Variants in FRMD4A observed in about 807,000 individuals in gnomAD.
The protein encoded by FRMD4A is FERM domain containing 4A.
In FRMD4A, 29 loss-of-function variants were observed where a neutral mutation model predicts 129.1. That is an observed-to-expected ratio of 0.22 (90% CI 0.17 to 0.31). The LOEUF (loss-of-function observed/expected upper bound fraction) is 0.31, where lower values mean the gene tolerates loss of function less well. Among genes scored for constraint, FRMD4A ranks in the 10% least tolerant of loss-of-function variants. FRMD4A has a pLI of 1.00. For missense variants in FRMD4A, 1,272 were observed against 1,375.8 expected (o/e 0.92, Z 1.19); for synonymous variants, 634 against 571.6 (o/e 1.11, Z -1.56).
At chr10:13,987,045 T>C (rs991183038) in intron 2 of FRMD4A, among the ~76,000 whole-genome samples, 1 of 152,178 alleles carries the variant, frequency 6.6e-6, no homozygotes, top group Non-Finnish European at 1.5e-5. Flanking sequence ...TTGAGAGCCA[T>C]AGATCTAGGC....
intron 22 of FRMD4A, chr10:13,655,637 C>T (rs1377458618): frequency 1.3e-5 from 2 of 152,212 alleles, no homozygotes; most frequent in Non-Finnish European, 2.9e-5. Flanking sequence ...CTGCTGTCTC[C>T]AGGCACCAAG....
chr10:14,114,172 G>A (rs2131800304), intron 2 of FRMD4A, among the ~76,000 whole-genome samples: 1 of 152,332 alleles, frequency 6.6e-6, no homozygotes, highest in African/African-American at 2.4e-5. Context: ...GATGGCTTGG[G>A]CTAGTTTCCT....
chr10:14,308,041 T>C (rs188729221), intron 2 of FRMD4A, among the ~76,000 whole-genome samples: 18 of 152,342 alleles, frequency 1.2e-4, no homozygotes, highest in African/African-American at 4.1e-4. Flanking sequence ...CCCTGCTGAA[T>C]TGACAACTAC....
chr10:13,789,057 A>G (rs997338489), intron 5 of FRMD4A, among the ~76,000 whole-genome samples: 3 of 152,210 alleles, frequency 2.0e-5, no homozygotes, highest in Admixed American at 1.3e-4. Context: ...CAAATGTCAC[A>G]TTTAAAATGC....
chr10:13,698,047 C>A (rs7921847), intron 14 of FRMD4A, among the ~76,000 whole-genome samples: 12 of 151,770 alleles, frequency 7.9e-5, no homozygotes, highest in Admixed American at 5.2e-4. Context: ...TGTCTTAGAT[C>A]GTAGAATGGT....
chr10:14,125,290 C>A (rs1455791583), intron 2 of FRMD4A, among the ~76,000 whole-genome samples: 1 of 152,118 alleles, frequency 6.6e-6, no homozygotes, highest in Non-Finnish European at 1.5e-5. Context: ...TTCTCCACTG[C>A]CTTTGAAATA....
chr10:14,012,486 G>C (rs1464759849), intron 2 of FRMD4A, among the ~76,000 whole-genome samples: 1 of 152,170 alleles, frequency 6.6e-6, no homozygotes, highest in Non-Finnish European at 1.5e-5. Context: ...CGAACAGCAG[G>C]GTGTGAAAGG....
At chr10:13,772,928 C>T (rs2092498715) in intron 6 of FRMD4A, among the ~76,000 whole-genome samples, 1 of 152,160 alleles carries the variant, frequency 6.6e-6, no homozygotes, top group Admixed American at 6.5e-5. Context: ...TTGAATTGTA[C>T]ATTTTAATGT....
rs1337593329 is a variant in FRMD4A at position 14,009,413 on chromosome 10, T to A, written c.46-150501A>T. Reference sequence around the variant, plus strand: ...GGCCATTTCCTTTGTAATCATCCCGTGGTTTTTGGTATTAGCCTTGATACC... The same window carrying A: ...GGCCATTTCCTTTGTAATCATCCCGAGGTTTTTGGTATTAGCCTTGATACC... On this transcript the variant is annotated intron_variant, in intron 2 of 24. Coordinates refer to ENST00000357447, the MANE Select transcript of FRMD4A (RefSeq NM_018027.5). 2.6e-5 allele frequency among the ~76,000 whole-genome samples: 4 copies of A among 152,274 alleles called. No homozygotes were observed. The East Asian group carries it at 7.7e-4, about 29-fold the overall frequency.
rs139252993 is a variant in FRMD4A at position 13,645,765 on chromosome 10, C to A, written c.*1273G>T. The stretch of plus-strand genomic sequence containing the variant: ...GGAATAAGTGACACATAGGAGAAGT[C>A]GGATCTGAGCTCTTTTGTCACACAA... On this transcript the variant is annotated 3_prime_UTR_variant, in exon 25 of 25. Coordinates refer to ENST00000357447, the MANE Select transcript of FRMD4A (RefSeq NM_018027.5). The A allele has an allele frequency of 6.6e-6, 1 of 152,542 alleles. No homozygotes were observed. The highest frequency in any genetic ancestry group is 6.5e-5 in the Admixed American group (1 of 15,268). The allele number at this position is 152,542 out of a possible 1,614,324, so 9.4% of individuals were successfully genotyped here. A position where few individuals can be genotyped will look rare whatever the true frequency, so the allele number is the denominator to read the frequency against.
chr10:14,247,429 G>C (rs2132014966), intron 2 of FRMD4A, among the ~76,000 whole-genome samples: 1 of 152,276 alleles, frequency 6.6e-6, no homozygotes, highest in Non-Finnish European at 1.5e-5. Flanking sequence ...AAAGAAATAA[G>C]ATCACATTAA....
chr10:13,837,898 A>G (rs780263479), intron 3 of FRMD4A, among the ~76,000 whole-genome samples: 8 of 152,190 alleles, frequency 5.3e-5, no homozygotes, highest in African/African-American at 1.2e-4. Flanking sequence ...ATGACATGAC[A>G]GCAATCAGGA....
In FRMD4A at chr10:13,675,053, A is replaced by C. The variant is rs774747493; in HGVS notation, c.1118-9T>G. ...ATCTGATTCCTGAGAACCTGTCGAT[A>C]AACAGTGGGGTTACTTGGCCAGCTG... On this transcript the variant is annotated splice_polypyrimidine_tract_variant and intron_variant, in intron 15 of 24. Coordinates refer to ENST00000357447, the MANE Select transcript of FRMD4A (RefSeq NM_018027.5). 1 of 1,611,188 alleles carries C rather than the reference A, an allele frequency of 6.2e-7. No individual in the cohort carries two copies. The highest frequency in any genetic ancestry group is 8.5e-7 in the Non-Finnish European group (1 of 1,179,776).
rs1283197239 is a variant in FRMD4A, at chr10:13,860,196, A to G, written c.46-1284T>C. ...CTGCGTCCGATTTCAAGCCACTGTCATGACAACACTGCTAGTAATTCCAAC... is the reference window on the plus strand; with the variant it reads ...CTGCGTCCGATTTCAAGCCACTGTCGTGACAACACTGCTAGTAATTCCAAC... On this transcript the variant is annotated intron_variant, in intron 2 of 24. Coordinates refer to ENST00000357447, the MANE Select transcript of FRMD4A (RefSeq NM_018027.5). Among the ~76,000 whole-genome samples the G allele has an allele frequency of 2.6e-5, 4 of 152,236 alleles. No individual in the cohort carries two copies. The East Asian group carries it at 7.7e-4, about 29-fold the overall frequency.
chr10:13,931,754 A>G (rs2095197322), intron 2 of FRMD4A, among the ~76,000 whole-genome samples: 1 of 147,620 alleles, frequency 6.8e-6, no homozygotes, highest in African/African-American at 2.5e-5. Flanking sequence ...CCTGGCCAAC[A>G]TGGCAAAATC....
intron 2 of FRMD4A, among the ~76,000 whole-genome samples, chr10:14,131,396 G>GCC (rs145039808): frequency 0.026 from 3,858 of 148,900 alleles, 169 homozygotes; most frequent in African/African-American, 0.089. Flanking sequence ...AACTCACTGT[G>GCC]CCCCCCCCGG....
At chr10:14,022,693 G>A (rs61835699) in intron 2 of FRMD4A, among the ~76,000 whole-genome samples, 30,174 of 151,846 alleles carry the variant, frequency 0.2, 3,744 homozygotes, top group East Asian at 0.53. Context: ...ATGAGAAGGT[G>A]AGTTCAAGTG....
chr10:14,141,856 A>C (rs770195681), intron 2 of FRMD4A, among the ~76,000 whole-genome samples: 9 of 152,062 alleles, frequency 5.9e-5, no homozygotes, highest in Non-Finnish European at 1.3e-4. Context: ...TGTGTGTTTC[A>C]CCCACAACAT....
intron 2 of FRMD4A, among the ~76,000 whole-genome samples, chr10:14,153,642 A>G (rs1044901671): frequency 6.6e-6 from 1 of 152,112 alleles, no homozygotes; most frequent in Non-Finnish European, 1.5e-5. Flanking sequence ...GTCAGGCGAA[A>G]AGGAAACCGA....
Sources: allele counts gnomAD v4.1 joint callset (sites outside exome capture counted in the v4.1 genomes callset), GRCh38; gene constraint gnomAD v4.1.1; transcripts MANE v1.5; gene names NCBI Gene and HGNC (gene_info 2026-07-23, HGNC 2026-07-21).